Variants in MAOA observed in about 807,000 individuals in gnomAD.
MAOA encodes the protein amine oxidase [flavin-containing] A.
In MAOA, 6 loss-of-function variants were observed where a neutral mutation model predicts 42.0. The observed-to-expected ratio is 0.14, with a 90% CI of 0.08 to 0.28. The LOEUF (loss-of-function observed/expected upper bound fraction) is 0.28. Among genes scored for constraint, MAOA ranks in the 10% least tolerant of loss-of-function variants. The pLI is 1.00. For synonymous variants in MAOA, 140 were observed against 154.0 expected (o/e 0.91, Z 0.67); for missense variants, 262 against 422.3 (o/e 0.62, Z 3.33).
rs1260207631 is a variant in MAOA, at chrX:43,712,651, G to T, written c.412-54G>T. ...CAGAGGTTTTCATGAGGGCCTTCCC[G>T]AGAAGAGGTGGCAGTTACCATCAAA... On this transcript the variant is annotated intron_variant, in intron 4 of 14. Transcript: ENST00000338702. 6.1e-6 allele frequency: 5 copies of T among 818,359 alleles called. No individual in the cohort carries two copies. The Admixed American group carries it at 1.1e-4, about 18-fold the overall frequency. 67.4% of individuals were successfully genotyped at this position (818,359 alleles called of 1,213,427 possible). A position where few individuals can be genotyped will look rare whatever the true frequency, so the allele number is the denominator to read the frequency against.
chrX:43,678,060 A>C (rs1046570989), intron 1 of MAOA, among the ~76,000 whole-genome samples: 1 of 112,092 alleles, frequency 8.9e-6, no homozygotes, highest in Non-Finnish European at 1.9e-5. Flanking sequence ...CTGATTTAAT[A>C]GACAATAATG....
chrX:43,712,625 T>G, intron 4 of MAOA, 80 bp from the exon 5 acceptor site: 1 of 617,697 alleles, frequency 1.6e-6, no homozygotes, highest in Non-Finnish European at 2.7e-6. Context: ...AGACCCATTT[T>G]CAGAGGTTTT....
At chrX:43,662,025 C>T (rs918764205) in intron 1 of MAOA, among the ~76,000 whole-genome samples, 7 of 111,551 alleles carry the variant, frequency 6.3e-5, no homozygotes, top group African/African-American at 2.3e-4. Context: ...CACAACATAC[C>T]ACAATTTCCC....
At chrX:43,656,971 T>A (rs1328886957) in intron 1 of MAOA, among the ~76,000 whole-genome samples, 1 of 107,850 alleles carries the variant, frequency 9.3e-6, no homozygotes, top group Non-Finnish European at 1.9e-5. Context: ...CCAGTCCTGC[T>A]CTTCTCTATT....
Position 43,685,621 on chromosome X carries a change from C to T in MAOA, c.168+2014C>T, listed in dbSNP as rs2033482207. Among the ~76,000 whole-genome samples, 3 of 111,695 alleles carry T rather than the reference C, an allele frequency of 2.7e-5. No homozygotes were observed. In the South Asian group the frequency reaches 1.1e-3, roughly 42 times the overall value. ...CTAGGCCTATTTCTGCTTTGCTCAG[C>T]TCTAAGGGTGCTGTACAGCCTTGCT... On this transcript the variant is annotated intron_variant, in intron 2 of 14. Coordinates refer to ENST00000338702, the MANE Select transcript of MAOA (RefSeq NM_000240.4).
intron 3 of MAOA, among the ~76,000 whole-genome samples, chrX:43,700,055 G>A (rs1035462153): frequency 6.2e-5 from 7 of 112,090 alleles, no homozygotes; most frequent in African/African-American, 2.3e-4. Flanking sequence ...AGTCTTTGTA[G>A]GGATGTTGCT....
chrX:43,657,273 T>TG (rs2033190945), intron 1 of MAOA, among the ~76,000 whole-genome samples: 1 of 79,447 alleles, frequency 1.3e-5, no homozygotes. Flanking sequence ...TGAACTGTGT[T>TG]TATATATATA....
At chrX:43,673,829 A>G (rs1302546715) in intron 1 of MAOA, among the ~76,000 whole-genome samples, 1 of 110,869 alleles carries the variant, frequency 9.0e-6, no homozygotes, top group Non-Finnish European at 1.9e-5. Context: ...TATAATTTCT[A>G]TTCTTTTACA....
intron 1 of MAOA, among the ~76,000 whole-genome samples, chrX:43,669,685 T>C (rs1276127835): frequency 2.7e-5 from 3 of 111,612 alleles, no homozygotes; most frequent in Non-Finnish European, 5.6e-5. Flanking sequence ...ATGCTACTGT[T>C]GTTTCACCAT....
At chrX:43,728,350 T>A in intron 6 of MAOA, 36 bp downstream of exon 6, 2 of 1,203,116 alleles carry the variant, frequency 1.7e-6, no homozygotes, top group Non-Finnish European at 2.3e-6. Flanking sequence ...AAACAAGAGC[T>A]TCATCTGTGA....
chrX:43,664,808 G>A lies in MAOA; in HGVS notation c.73+8394G>A, dbSNP rs1407895489. Among the ~76,000 whole-genome samples the A allele has an allele frequency of 5.4e-5, 6 of 111,466 alleles. No individual in the cohort carries two copies. The East Asian group carries it at 1.1e-3, about 21-fold the overall frequency. On this transcript the variant is annotated intron_variant, in intron 1 of 14. Transcript: ENST00000338702. ...TGCCTCAAAAATAAAATGCCTCTTC[G>A]AAAATCTGATGAAATCTGATTGCCT...
intron 5 of MAOA, among the ~76,000 whole-genome samples, chrX:43,714,849 G>T (rs912382967): frequency 7.3e-5 from 8 of 109,557 alleles, no homozygotes; most frequent in African/African-American, 2.7e-4. Context: ...TCTCTCTCTG[G>T]GGAGAGAAAG....
chrX:43,692,613 T>G (rs2033545638), intron 2 of MAOA, among the ~76,000 whole-genome samples: 1 of 108,368 alleles, frequency 9.2e-6, no homozygotes, highest in Non-Finnish European at 1.9e-5. Context: ...ACCCTTTATT[T>G]ATTAAAAAAA....
intron 10 of MAOA, among the ~76,000 whole-genome samples, chrX:43,736,855 T>C (rs1031216266): frequency 5.4e-5 from 6 of 110,507 alleles, no homozygotes; most frequent in Admixed American, 9.6e-5. Context: ...AATTAAAGTC[T>C]TACCTGAAGA....
chrX:43,726,317 CAT>C (rs2033834477), intron 5 of MAOA, among the ~76,000 whole-genome samples: 2 of 112,117 alleles, frequency 1.8e-5, no homozygotes, highest in South Asian at 7.5e-4. Context: ...ACCAATCAAA[CAT>C]AGATTTGGTC....
At chrX:43,744,327 G>T in intron 14 of MAOA, 40 bp from the exon 15 acceptor site, 1 of 1,204,301 alleles carries the variant, frequency 8.3e-7, no homozygotes, top group Non-Finnish European at 1.1e-6. Flanking sequence ...CTCCTTGTCA[G>T]CATGAGTTTT....
Position 43,746,771 on chromosome X carries a change from T to C in MAOA, c.*2258T>C. The C allele has an allele frequency of 8.9e-6, 1 of 111,870 alleles. No homozygotes were observed. The highest frequency in any genetic ancestry group is 1.9e-5 in the Non-Finnish European group (1 of 53,233). 9.2% of individuals were successfully genotyped at this position (111,870 alleles called of 1,213,427 possible). A position where few individuals can be genotyped will look rare whatever the true frequency, so the allele number is the denominator to read the frequency against. The stretch of plus-strand genomic sequence containing the variant: ...TTTGCCACTGAAGTAAGATTTTGCC[T>C]GTATGGTACTGTTTTGTTTGTTAAT... On this transcript the variant is annotated 3_prime_UTR_variant, in exon 15 of 15. Transcript: ENST00000338702.
At position 43,731,779 on chromosome X, in the gene MAOA, T is replaced by G; in HGVS notation, c.881T>G (p.Leu294Ter). The part of the protein sequence containing the change: ...RPELPAERNQ[L>*]IQRLPMGAVI... ...GAGCTTCCAGCAGAGAGAAACCAGTTAATTCAGCGGCTTCCAATGGGAGCT... is the reference window on the plus strand; with the variant it reads ...GAGCTTCCAGCAGAGAGAAACCAGTGAATTCAGCGGCTTCCAATGGGAGCT... The change falls in exon 8 of 15, where the codon TTA becomes TGA. Residue 294 changes from leucine to a stop codon, truncating the protein, a stop_gained. Transcript: ENST00000338702. LOFTEE classifies it high-confidence loss of function. 1 of 1,208,759 alleles carries G rather than the reference T, an allele frequency of 8.3e-7. No individual in the cohort carries two copies. Among genetic ancestry groups the G allele is most frequent in the Non-Finnish European group, 1.1e-6 (1 of 892,844 alleles).
At chrX:43,678,345 G>A (rs1190601160) in intron 1 of MAOA, among the ~76,000 whole-genome samples, 1 of 111,809 alleles carries the variant, frequency 8.9e-6, no homozygotes, top group Non-Finnish European at 1.9e-5. Flanking sequence ...TTTTTGTTTA[G>A]TAATTTATAT....
Sources: gnomAD v4.1 joint callset for allele counts (sites outside exome capture counted in the v4.1 genomes callset) on GRCh38, gnomAD v4.1.1 for gene constraint, MANE v1.5 for transcripts, NCBI Gene and HGNC (gene_info 2026-07-23, HGNC 2026-07-21) for gene names.